TTC13: variants seen among roughly 807,000 people sequenced by gnomAD.
TTC13 encodes the protein tetratricopeptide repeat protein 13.
Under a neutral mutation model 120.0 loss-of-function variants are expected in TTC13, and 62 were observed. The observed-to-expected ratio is 0.52, with a 90% CI of 0.42 to 0.64. The LOEUF (loss-of-function observed/expected upper bound fraction) is 0.64. Ranked by LOEUF, TTC13 falls within the 30% of genes least tolerant of loss-of-function variation. The probability of loss-of-function intolerance (pLI) is 0.00; values close to 1 mark genes in which losing one functional copy is unlikely to be tolerated. For missense variants in TTC13, 824 were observed against 1,050.2 expected (o/e 0.78, Z 2.98); for synonymous variants, 384 against 393.5 (o/e 0.98, Z 0.28).
intron 16 of TTC13, 72 bp downstream of exon 16, chr1:230,921,349 T>C: frequency 1.1e-6 from 1 of 942,438 alleles, no homozygotes; most frequent in African/African-American, 1.7e-5. Context: ...AGTTCTCAAG[T>C]TTCAAAAATA....
intron 19 of TTC13, 149 bp from the exon 20 acceptor site, chr1:230,911,698 ATT>A: frequency 1.9e-6 from 1 of 526,518 alleles, no homozygotes; most frequent in Non-Finnish European, 3.3e-6. Context: ...ATTCTTGAAT[ATT>A]CTATACCCTT....
intron 3 of TTC13, among the ~76,000 whole-genome samples, chr1:230,957,031 C>A (rs1205357433): frequency 6.6e-6 from 1 of 152,182 alleles, no homozygotes; most frequent in East Asian, 1.9e-4. Context: ...CAAAACAGAC[C>A]TGGCATATCA....
At chr1:230,958,028 T>A (rs755676401) in intron 3 of TTC13, among the ~76,000 whole-genome samples, 196 bp downstream of exon 3, 3 of 99,060 alleles carry the variant, frequency 3.0e-5, no homozygotes, top group Non-Finnish European at 5.9e-5. Context: ...AAAAGATTAT[T>A]CCATCCAAAC....
At chr1:230,949,866 G>A (rs1675401329) in intron 4 of TTC13, among the ~76,000 whole-genome samples, 1 of 152,120 alleles carries the variant, frequency 6.6e-6, no homozygotes, top group Non-Finnish European at 1.5e-5. Context: ...AGCCAGGATA[G>A]TCTCAATCTC....
chr1:230,954,038 T>C (rs145585753), intron 4 of TTC13, among the ~76,000 whole-genome samples: 2 of 152,194 alleles, frequency 1.3e-5, no homozygotes, highest in Admixed American at 1.3e-4. Context: ...AAAGCTTGCA[T>C]TTGAATCCCA....
chr1:230,922,282 A>G (rs1474183893), intron 15 of TTC13, among the ~76,000 whole-genome samples: 1 of 152,128 alleles, frequency 6.6e-6, no homozygotes, highest in East Asian at 1.9e-4. Context: ...CTATCTTCTA[A>G]GAGTCTAGCT....
In TTC13 at chr1:230,933,747, C is replaced by T. The variant is rs781541142; in HGVS notation, c.983+32G>A. On this transcript the variant is annotated intron_variant, in intron 9 of 22. Coordinates refer to ENST00000366661, the MANE Select transcript of TTC13 (RefSeq NM_024525.5). Reference sequence around the variant, plus strand: ...TCTTGTCTCCCCACTCTTCAGCCTCCCTCCTACCCCAACTGTTATTATTTT... The same window carrying T: ...TCTTGTCTCCCCACTCTTCAGCCTCTCTCCTACCCCAACTGTTATTATTTT... 29 of 1,274,618 alleles carry T rather than the reference C, an allele frequency of 2.3e-5. No homozygotes were observed. The South Asian group carries it at 3.9e-4, about 17-fold the overall frequency. 79.0% of individuals were successfully genotyped at this position (1,274,618 alleles called of 1,614,324 possible). A position where few individuals can be genotyped will look rare whatever the true frequency, so the allele number is the denominator to read the frequency against.
intron 4 of TTC13, 84 bp from the exon 5 acceptor site, chr1:230,945,538 C>A (rs1674909184): frequency 1.7e-6 from 2 of 1,207,842 alleles, no homozygotes; most frequent in South Asian, 2.4e-5. Flanking sequence ...CACGTTAATG[C>A]CGCAAGTGAC....
chr1:230,919,850 C>G (rs1321691589), intron 17 of TTC13, among the ~76,000 whole-genome samples: 1 of 152,198 alleles, frequency 6.6e-6, no homozygotes, highest in Non-Finnish European at 1.5e-5. Context: ...TCTGATACCT[C>G]TGCTCAGCTT....
intron 14 of TTC13, 26 bp from the exon 15 acceptor site, chr1:230,923,959 C>G (rs374496230): frequency 6.4e-7 from 1 of 1,574,516 alleles, no homozygotes; most frequent in South Asian, 1.1e-5. Context: ...CTTTATAAAA[C>G]CAGAAGTGTT....
rs756024315 is a variant in TTC13 at position 230,931,769 on chromosome 1, G to A, written c.1092C>T (p.His364=). Residue 364 remains histidine (H), a synonymous_variant, in exon 10 of 23, where the codon CAC becomes CAT. Coordinates refer to ENST00000366661, the MANE Select transcript of TTC13 (RefSeq NM_024525.5). Reference sequence around the variant, plus strand: ...TCTTAAGGGCTTCCTGTAAGCTGCCGTGGTGGTAGAGCATCATTCCCCGGA... The same window carrying A: ...TCTTAAGGGCTTCCTGTAAGCTGCCATGGTGGTAGAGCATCATTCCCCGGA... The part of the protein sequence containing the change: ...LQLRGMMLYH[H]GSLQEALKNF... 33 of 1,614,026 alleles carry A rather than the reference G, an allele frequency of 2.0e-5. No individual in the cohort carries two copies. Among genetic ancestry groups the A allele is most frequent in the African/African-American group, 1.1e-4 (8 of 74,926 alleles).
chr1:230,961,107 A>G, intron 2 of TTC13, 102 bp downstream of exon 2: 2 of 808,230 alleles, frequency 2.5e-6, no homozygotes, highest in Non-Finnish European at 2.0e-6. Context: ...TGTAGACTCA[A>G]CGAGGCCCAA....
In TTC13 at chr1:230,933,784, T is replaced by C. The variant is rs760417782; in HGVS notation, c.978A>G (p.Ala326=). The C allele has an allele frequency of 1.2e-6, 2 of 1,603,130 alleles. No homozygotes were observed. Among genetic ancestry groups the C allele is most frequent in the Admixed American group, 1.7e-5 (1 of 58,956 alleles). The change falls in exon 9 of 23, where the codon GCA becomes GCG. Residue 326 remains alanine, a synonymous_variant. Transcript: ENST00000366661. ...FIDAYKSLGQ[A]YRELGNFEAA... is the part of the protein sequence containing the mutation. ...ACTGTTATTATTTTACTCACCTATATGCCTGCCCTAGACTTTTATATGCAT... is the reference window on the plus strand; with the variant it reads ...ACTGTTATTATTTTACTCACCTATACGCCTGCCCTAGACTTTTATATGCAT...
intron 8 of TTC13, 23 bp downstream of exon 8, chr1:230,939,363 A>T (rs1674348669): frequency 1.4e-6 from 2 of 1,444,248 alleles, no homozygotes; most frequent in Non-Finnish European, 9.7e-7. Context: ...ATCATATGGT[A>T]CACATATGCA....
Position 230,958,301 on chromosome 1 carries a change from T to C in TTC13, c.367-2A>G. Reference sequence around the variant, plus strand: ...TTCTGCAATAGACTTGGCCTGGCTCTGGGAAAAAAAAAAAAAAAACCCATA... The same window carrying C: ...TTCTGCAATAGACTTGGCCTGGCTCCGGGAAAAAAAAAAAAAAAACCCATA... On this transcript the variant is annotated splice_acceptor_variant, in intron 2 of 22. Coordinates refer to ENST00000366661, the MANE Select transcript of TTC13 (RefSeq NM_024525.5). LOFTEE classifies it high-confidence loss of function. 6.5e-7 allele frequency: 1 copy of C among 1,547,406 alleles called. No individual in the cohort carries two copies. The highest frequency in any genetic ancestry group is 8.6e-7 in the Non-Finnish European group (1 of 1,157,510).
At chr1:230,973,186 G>A (rs762668632) in intron 1 of TTC13, among the ~76,000 whole-genome samples, 24 of 152,086 alleles carry the variant, frequency 1.6e-4, no homozygotes, top group Non-Finnish European at 2.5e-4. Context: ...CTTCCTCATA[G>A]AGCAAAAAAG....
intron 11 of TTC13, among the ~76,000 whole-genome samples, chr1:230,929,573 CAAAGTGCTGGGATT>C (rs1159772741): frequency 6.6e-6 from 1 of 152,158 alleles, no homozygotes; most frequent in Non-Finnish European, 1.5e-5. Flanking sequence ...CTCAGCCTCC[CAAAGTGCTGGGATT>C]ACAGGCATGA....
chr1:230,921,378 T>G (rs754433051), intron 16 of TTC13, 43 bp downstream of exon 16: 2 of 1,137,054 alleles, frequency 1.8e-6, no homozygotes, highest in Non-Finnish European at 2.6e-6. Context: ...ATAAAACACA[T>G]GAAATCAACT....
chr1:230,945,490 T>TAAACA (rs756859501), intron 4 of TTC13, 36 bp from the exon 5 acceptor site: 4 of 1,597,278 alleles, frequency 2.5e-6, no homozygotes, highest in Admixed American at 3.3e-5. Flanking sequence ...TCAAAAACCA[T>TAAACA]AAACAAAACA....
Sources: gnomAD v4.1 joint callset for allele counts (sites outside exome capture counted in the v4.1 genomes callset) on GRCh38, gnomAD v4.1.1 for gene constraint, MANE v1.5 for transcripts, NCBI Gene and HGNC (gene_info 2026-07-23, HGNC 2026-07-21) for gene names.